The following INO80 variants were observed in gnomAD, a reference collection of about 807,000 sequenced individuals.
INO80 encodes the protein chromatin-remodeling ATPase INO80.
Under a neutral mutation model 203.4 loss-of-function variants are expected in INO80, and 20 were observed. The observed-to-expected ratio is 0.10, with a 90% CI of 0.07 to 0.14. The LOEUF (loss-of-function observed/expected upper bound fraction) is 0.14. INO80 is among the 10% of genes least tolerant of loss of function. INO80 has a pLI of 1.00. For missense variants in INO80, 1,419 were observed against 1,914.4 expected (o/e 0.74, Z 4.83); for synonymous variants, 726 against 685.2 (o/e 1.06, Z -0.93).
At chr15:40,995,015 A>T (rs1179641234) in intron 29 of INO80, among the ~76,000 whole-genome samples, 21 of 151,976 alleles carry the variant, frequency 1.4e-4, no homozygotes. Flanking sequence ...GCCAGCACAT[A>T]CGGCTAATTT....
chr15:41,039,028 C>A (rs2044627129), intron 24 of INO80, among the ~76,000 whole-genome samples: 1 of 152,240 alleles, frequency 6.6e-6, no homozygotes, highest in African/African-American at 2.4e-5. Context: ...GGGTGGCATT[C>A]AAAGACTTTC....
chr15:41,057,463 A>G (rs1187672486), intron 16 of INO80, among the ~76,000 whole-genome samples: 1 of 78,706 alleles, frequency 1.3e-5, no homozygotes, highest in Non-Finnish European at 3.4e-5. Context: ...CCCTGTCTCA[A>G]AAAAAAAAAA....
In INO80 at chr15:40,985,382, G is replaced by C; in HGVS notation, c.3877C>G (p.Arg1293Gly). Residue 1293 changes from arginine (R) to glycine (G), a missense_variant, in exon 32 of 36, where the codon CGA becomes GGA. By Grantham distance (125) the Arg-to-Gly change is moderately radical (BLOSUM62 -2). Coordinates refer to ENST00000648947, the MANE Select transcript of INO80 (RefSeq NM_017553.3). ...CGCTTCCGCTTGCGCTCTTTCACTCGGTTGGTTTCCTCCTGTTGCCGTTTC... is the reference window on the plus strand; with the variant it reads ...CGCTTCCGCTTGCGCTCTTTCACTCCGTTGGTTTCCTCCTGTTGCCGTTTC... ...EEKRQQEETN[R>G]VKERKRKREK... The C allele has an allele frequency of 6.2e-7, 1 of 1,613,910 alleles. No homozygotes were observed. The highest frequency in any genetic ancestry group is 8.5e-7 in the Non-Finnish European group (1 of 1,179,960).
At chr15:41,056,821 G>T (rs1234130512) in intron 16 of INO80, 115 bp from the exon 17 acceptor site, 1 of 767,464 alleles carries the variant, frequency 1.3e-6, no homozygotes, top group African/African-American at 1.7e-5. Context: ...TCAGAATCAA[G>T]TACTCCATCA....
At chr15:41,008,878 GGCTGGAGC>G in intron 27 of INO80, among the ~76,000 whole-genome samples, 1 of 152,236 alleles carries the variant, frequency 6.6e-6, no homozygotes, top group Middle Eastern at 3.4e-3. Flanking sequence ...CTGTTGCCCA[GGCTGGAGC>G]GCAATGGTGA....
intron 1 of INO80, 60 bp downstream of exon 1, chr15:41,115,913 G>C (rs1038820883): frequency 2.6e-6 from 1 of 382,028 alleles, no homozygotes; most frequent in Non-Finnish European, 4.6e-6. Flanking sequence ...CGCAGAGAGG[G>C]GCGCAACAAG....
At position 40,983,916 on chromosome 15, in the gene INO80, G is replaced by T. The variant is rs781253488; in HGVS notation, c.4083C>A (p.Ser1361=). ...AGCCAGTGTGCAGCTCACTGCTGAT[G>T]GAGATCTAGAAGAGGAAGGGTTAAG... is the stretch of plus-strand genomic sequence containing the variant. ...SAMPSPFSEI[S]ISSELHTGSI... The change falls in exon 34 of 36, where the codon TCC becomes TCA. Residue 1361 remains serine, a synonymous_variant. Coordinates refer to ENST00000648947, the MANE Select transcript of INO80 (RefSeq NM_017553.3). The T allele has an allele frequency of 2.5e-6, 4 of 1,613,556 alleles. No individual in the cohort carries two copies. The Admixed American group carries it at 6.7e-5, about 27-fold the overall frequency.
intron 14 of INO80, among the ~76,000 whole-genome samples, chr15:41,068,138 C>T (rs1418364041): frequency 6.6e-6 from 1 of 152,138 alleles, no homozygotes. Flanking sequence ...AGAAAATGAA[C>T]TGGCTGGGTT....
chr15:41,072,730 G>C (rs2045342939), intron 11 of INO80, among the ~76,000 whole-genome samples: 1 of 149,814 alleles, frequency 6.7e-6, no homozygotes, highest in Non-Finnish European at 1.5e-5. Context: ...AAATAACGTA[G>C]CAGTTTTTTG....
intron 35 of INO80, among the ~76,000 whole-genome samples, chr15:40,982,161 G>C (rs925576468): frequency 2.6e-5 from 4 of 152,112 alleles, no homozygotes; most frequent in Non-Finnish European, 5.9e-5. Context: ...ACGTTTTTTA[G>C]TTTTTGAGAG....
intron 13 of INO80, 69 bp downstream of exon 13, chr15:41,070,395 AAGT>A: frequency 3.7e-6 from 5 of 1,334,186 alleles, no homozygotes; most frequent in Non-Finnish European, 3.2e-6. Context: ...TAGTGCTTTT[AAGT>A]GGCTGATTTT....
chr15:40,982,045 C>T (rs895996686), intron 35 of INO80, among the ~76,000 whole-genome samples: 1 of 152,222 alleles, frequency 6.6e-6, no homozygotes, highest in East Asian at 1.9e-4. Context: ...TTTTCATTCC[C>T]CTGTATTTTG....
chr15:41,103,339 T>C (rs2045836175), intron 1 of INO80, among the ~76,000 whole-genome samples: 1 of 152,172 alleles, frequency 6.6e-6, no homozygotes, highest in Non-Finnish European at 1.5e-5. Flanking sequence ...TTCTTCTCAC[T>C]CTAATTCATC....
intron 14 of INO80, among the ~76,000 whole-genome samples, chr15:41,065,028 G>C (rs1036853506): frequency 6.6e-6 from 1 of 151,952 alleles, no homozygotes; most frequent in Non-Finnish European, 1.5e-5. Context: ...AGTGCAGTGT[G>C]GGGCTGTGTT....
chr15:41,006,505 CTA>C (rs1449158405), intron 27 of INO80, among the ~76,000 whole-genome samples: 1 of 152,212 alleles, frequency 6.6e-6, no homozygotes, highest in African/African-American at 2.4e-5. Flanking sequence ...TTGAAAAAGA[CTA>C]ATCATTTCTA....
At chr15:41,041,272 G>T (rs1446153812) in intron 24 of INO80, among the ~76,000 whole-genome samples, 1 of 151,628 alleles carries the variant, frequency 6.6e-6, no homozygotes, top group Non-Finnish European at 1.5e-5. Context: ...TATTTTTCTG[G>T]TAGAGATGGG....
At chr15:41,103,475 C>T (rs2045837793) in intron 1 of INO80, among the ~76,000 whole-genome samples, 1 of 152,144 alleles carries the variant, frequency 6.6e-6, no homozygotes, top group Admixed American at 6.6e-5. Context: ...CTGCAACCTC[C>T]GCCTCCCTGG....
At chr15:41,066,263 C>T (rs988564774) in intron 14 of INO80, among the ~76,000 whole-genome samples, 2 of 152,038 alleles carry the variant, frequency 1.3e-5, no homozygotes, top group Non-Finnish European at 2.9e-5. Flanking sequence ...CAGGCGTGAG[C>T]CACCGCACCC....
chr15:41,072,969 T>C (rs925172188), intron 11 of INO80, among the ~76,000 whole-genome samples: 3 of 151,776 alleles, frequency 2.0e-5, no homozygotes, highest in Admixed American at 6.6e-5. Flanking sequence ...TTAGTAGAGA[T>C]GGGGTTTCAC....
Sources: allele counts gnomAD v4.1 joint callset (sites outside exome capture counted in the v4.1 genomes callset), GRCh38; gene constraint gnomAD v4.1.1; transcripts MANE v1.5; gene names NCBI Gene and HGNC (gene_info 2026-07-23, HGNC 2026-07-21).